Variants in TPD52L2 observed in about 807,000 individuals in gnomAD.
TPD52L2 encodes the protein TPD52 like 2.
TPD52L2 carries 19 observed loss-of-function variants against 24.7 expected under a neutral mutation model. The ratio of observed to expected loss-of-function variants is 0.77; its 90% CI spans 0.54 to 1.13. The LOEUF is 1.13. Ranked by LOEUF, TPD52L2 falls within the 50% of genes most tolerant of loss-of-function variation. The pLI is 0.00. For synonymous variants in TPD52L2, 104 were observed against 100.2 expected, an observed-to-expected ratio of 1.04 and a Z score of -0.23; for missense variants, 236 against 250.4, an observed-to-expected ratio of 0.94 and a Z score of 0.39.
chr20:63,873,577 A>G (rs1287984431), intron 2 of TPD52L2, 91 bp from the exon 3 acceptor site: 4 of 1,425,764 alleles, frequency 2.8e-6, no homozygotes, highest in South Asian at 1.4e-5. Context: ...GTAAGCGGAA[A>G]GTTCTTGTGT....
intron 4 of TPD52L2, among the ~76,000 whole-genome samples, 167 bp downstream of exon 4, chr20:63,876,042 T>C (rs2052662814): frequency 1.3e-5 from 2 of 152,366 alleles, no homozygotes; most frequent in South Asian, 4.1e-4. Flanking sequence ...CTTTAAACTT[T>C]TGTGGAACAG....
At chr20:63,869,176 G>A (rs1434127185) in intron 1 of TPD52L2, 120 bp from the exon 2 acceptor site, 3 of 1,107,778 alleles carry the variant, frequency 2.7e-6, no homozygotes, top group African/African-American at 3.1e-5. Context: ...CAGAGAAGAG[G>A]TGTTAGTCTC....
intron 1 of TPD52L2, among the ~76,000 whole-genome samples, chr20:63,865,804 G>A (rs1392882283): frequency 1.3e-5 from 2 of 151,962 alleles, no homozygotes; most frequent in South Asian, 2.1e-4. Context: ...CCAGTCCGAG[G>A]TGTTGAGGGC....
At chr20:63,889,109 T>C in intron 5 of TPD52L2, 81 bp from the exon 6 acceptor site, 1 of 1,290,490 alleles carries the variant, frequency 7.7e-7, no homozygotes, top group Non-Finnish European at 1.1e-6. Flanking sequence ...AGGCTGGCCC[T>C]AACCCTGAGG....
chr20:63,872,948 C>T (rs1431479763), intron 2 of TPD52L2, among the ~76,000 whole-genome samples: 1 of 147,978 alleles, frequency 6.8e-6, no homozygotes, highest in Non-Finnish European at 1.5e-5. Context: ...CTCCTGACCT[C>T]GTGATCCGCC....
intron 2 of TPD52L2, 81 bp downstream of exon 2, chr20:63,869,522 A>G (rs1415648267): frequency 1.3e-6 from 2 of 1,554,010 alleles, no homozygotes; most frequent in Non-Finnish European, 1.8e-6. Context: ...GGTACTGGCC[A>G]CGCTCGGGAG....
chr20:63,886,522 C>T (rs957578301), intron 5 of TPD52L2, among the ~76,000 whole-genome samples: 39 of 152,162 alleles, frequency 2.6e-4, no homozygotes, highest in African/African-American at 7.0e-4. Flanking sequence ...CCGCCACGCC[C>T]GGCTAATTTT....
intron 1 of TPD52L2, among the ~76,000 whole-genome samples, chr20:63,867,610 C>T (rs1465828714): frequency 5.3e-5 from 8 of 151,662 alleles, no homozygotes; most frequent in African/African-American, 9.7e-5. Context: ...GGATACGCTT[C>T]GTTTAGTAAG....
In TPD52L2 at chr20:63,882,753, G is replaced by A. The variant is rs1377633014; in HGVS notation, c.409G>A (p.Gly137Arg). The A allele has an allele frequency of 1.4e-5, 23 of 1,614,052 alleles. No individual in the cohort carries two copies. The highest frequency in any genetic ancestry group is 1.9e-5 in the Non-Finnish European group (23 of 1,180,012). The change falls in exon 5 of 7, where the codon GGA becomes AGA. Residue 137 changes from glycine to arginine, a missense_variant. By Grantham distance (125) the Gly-to-Arg change is moderately radical. Transcript: ENST00000346249. ...KKTQETLSQA[G>R]QKTSAALSTV... ...GACTCAGGAAACTCTTTCACAGGCA[G>A]GACAGAAGACTTCAGCTGCCCTGTC...
At chr20:63,879,747 A>C (rs2052827103) in intron 4 of TPD52L2, among the ~76,000 whole-genome samples, 1 of 130,092 alleles carries the variant, frequency 7.7e-6, no homozygotes, top group Non-Finnish European at 1.6e-5. Flanking sequence ...TTTAGGCACA[A>C]ATGCAGGTGC....
At chr20:63,867,960 G>T (rs1473790209) in intron 1 of TPD52L2, among the ~76,000 whole-genome samples, 1 of 147,112 alleles carries the variant, frequency 6.8e-6, no homozygotes, top group Non-Finnish European at 1.5e-5. Context: ...TTTTTTTAAA[G>T]AATTTTTTTT....
chr20:63,873,523 G>T, intron 2 of TPD52L2, 145 bp from the exon 3 acceptor site: 6 of 837,238 alleles, frequency 7.2e-6, no homozygotes, highest in Non-Finnish European at 1.1e-5. Flanking sequence ...AAAATCAGAT[G>T]TCTGCTGTAG....
In TPD52L2 at chr20:63,883,733, G is replaced by A. The variant is rs141017606; in HGVS notation, c.476+913G>A. 3.6e-3 allele frequency among the ~76,000 whole-genome samples: 545 copies of A among 152,192 alleles called. 7 individuals carry two copies. The highest frequency in any genetic ancestry group is 0.013 in the African/African-American group (526 of 41,502). On this transcript the variant is annotated intron_variant, in intron 5 of 6. Transcript: ENST00000346249. ...GCTTCCTAAAGGACCGGTGTGTGGA[G>A]CACAGTGCTGACCCCACCCAGCCCT... is the stretch of plus-strand genomic sequence containing the variant.
At chr20:63,875,898 C>T (rs755779017) in intron 4 of TPD52L2, 23 bp downstream of exon 4, 3 of 1,609,952 alleles carry the variant, frequency 1.9e-6, no homozygotes, top group South Asian at 1.1e-5. Flanking sequence ...ATCATCAGCA[C>T]CTCCTCCTTC....
chr20:63,886,155 C>A, intron 5 of TPD52L2: 1 of 1,068,096 alleles, frequency 9.4e-7, no homozygotes, highest in Non-Finnish European at 1.4e-6. Flanking sequence ...AAAGTGGGAT[C>A]ACCCCTTCCA....
At chr20:63,867,784 T>C (rs2052309796) in intron 1 of TPD52L2, among the ~76,000 whole-genome samples, 2 of 151,016 alleles carry the variant, frequency 1.3e-5, no homozygotes, top group Admixed American at 1.3e-4. Context: ...CTTTTTCTTT[T>C]CTTTTGTTTT....
chr20:63,875,933 G>A, intron 4 of TPD52L2, 58 bp downstream of exon 4: 1 of 1,554,072 alleles, frequency 6.4e-7, no homozygotes, highest in Non-Finnish European at 8.9e-7. Context: ...CTGACACTCA[G>A]TCGGGGAAGG....
At position 63,876,438 on chromosome 20, in the gene TPD52L2, T is replaced by C. The variant is rs2052679435; in HGVS notation, c.374+563T>C. On this transcript the variant is annotated intron_variant, in intron 4 of 6. Transcript: ENST00000346249. ...GCCAGTGTGGATCAAGTGTGGATAGTTTTGTATGTGTGTGTCAGTGGTGTT... is the reference window on the plus strand; with the variant it reads ...GCCAGTGTGGATCAAGTGTGGATAGCTTTGTATGTGTGTGTCAGTGGTGTT... Among the ~76,000 whole-genome samples the C allele has an allele frequency of 2.0e-5, 3 of 151,580 alleles. 1 individual carries two copies. In the South Asian group the frequency reaches 6.3e-4, roughly 32 times the overall value.
At chr20:63,873,542 AT>A in intron 2 of TPD52L2, 125 bp from the exon 3 acceptor site, 1 of 1,079,436 alleles carries the variant, frequency 9.3e-7, no homozygotes, top group Non-Finnish European at 1.3e-6. Context: ...AGATGCTGTT[AT>A]TCCTAGGACG....
Sources: gnomAD v4.1 joint callset for allele counts (sites outside exome capture counted in the v4.1 genomes callset) on GRCh38, gnomAD v4.1.1 for gene constraint, MANE v1.5 for transcripts, NCBI Gene and HGNC (gene_info 2026-07-23, HGNC 2026-07-21) for gene names.